The following TBKBP1 variants were observed in gnomAD, a reference collection of about 807,000 sequenced individuals.
The protein encoded by TBKBP1 is TANK-binding kinase 1-binding protein 1.
In TBKBP1, 47 loss-of-function variants were observed where a neutral mutation model predicts 69.9. The ratio of observed to expected loss-of-function variants is 0.67; its 90% CI spans 0.53 to 0.86. The LOEUF (loss-of-function observed/expected upper bound fraction) is 0.86, where lower values mean the gene tolerates loss of function less well. TBKBP1 is among the 40% of genes least tolerant of loss of function. The pLI, the probability that TBKBP1 is intolerant of heterozygous loss-of-function variation, is 0.00. For missense variants in TBKBP1, 831 were observed against 858.6 expected, an observed-to-expected ratio of 0.97 and a Z score of 0.40; for synonymous variants, 418 against 390.3, an observed-to-expected ratio of 1.07 and a Z score of -0.84.
chr17:47,709,044 G>A lies in TBKBP1; in HGVS notation c.1311G>A (p.Arg437=), dbSNP rs2031812282. The change falls in exon 9 of 10, where the codon AGG becomes AGA. Residue 437 remains arginine, a synonymous_variant. Transcript: ENST00000578982. ...CGCCGCCGCCCCCGCCGGGCGAGAGGACGCTGGCCGAGCGCGCCTACGCCA... is the reference window on the plus strand; with the variant it reads ...CGCCGCCGCCCCCGCCGGGCGAGAGAACGCTGGCCGAGCGCGCCTACGCCA... ...RPPPPPPPGE[R]TLAERAYAKP... 2.3e-6 allele frequency: 3 copies of A among 1,301,998 alleles called. No homozygotes were observed. The highest frequency in any genetic ancestry group is 3.7e-5 in the South Asian group (2 of 54,462). 80.7% of individuals were successfully genotyped at this position (1,301,998 alleles called of 1,614,324 possible).
At chr17:47,702,993 G>T (rs2031565988) in intron 7 of TBKBP1, among the ~76,000 whole-genome samples, 1 of 128,624 alleles carries the variant, frequency 7.8e-6, no homozygotes, top group Non-Finnish European at 1.6e-5. Flanking sequence ...TGCGGGGGGG[G>T]GAACTTCTTG....
intron 9 of TBKBP1, 55 bp from the exon 10 acceptor site, chr17:47,710,443 T>A: frequency 6.3e-7 from 1 of 1,576,374 alleles, no homozygotes; most frequent in East Asian, 2.3e-5. Context: ...GGCTGGGATG[T>A]GGGGACCATG....
intron 7 of TBKBP1, among the ~76,000 whole-genome samples, chr17:47,704,213 G>A (rs909942167): frequency 6.6e-6 from 1 of 152,238 alleles, no homozygotes; most frequent in Non-Finnish European, 1.5e-5. Flanking sequence ...CTAGACCCGG[G>A]ATGTCAGCTC....
chr17:47,695,172 G>A (rs1051176201), intron 1 of TBKBP1: 2 of 152,752 alleles, frequency 1.3e-5, no homozygotes, highest in Admixed American at 6.5e-5. Flanking sequence ...CTGCGACCCC[G>A]AAGGCACTCA....
chr17:47,702,747 G>A (rs866371048), intron 7 of TBKBP1, among the ~76,000 whole-genome samples: 15 of 152,130 alleles, frequency 9.9e-5, no homozygotes, highest in Admixed American at 6.5e-5. Flanking sequence ...CCCAGAGGAA[G>A]AGCCACTGGG....
intron 7 of TBKBP1, among the ~76,000 whole-genome samples, chr17:47,700,324 TA>T (rs2031452310): frequency 7.1e-6 from 1 of 139,938 alleles, no homozygotes. Flanking sequence ...TTTGGATTTT[TA>T]GTAGAGATGG....
chr17:47,701,377 ACT>A (rs71141927), intron 7 of TBKBP1, among the ~76,000 whole-genome samples: 391 of 150,646 alleles, frequency 2.6e-3, no homozygotes, highest in African/African-American at 5.2e-3. Flanking sequence ...ACACACACAC[ACT>A]CTCTCTCTCT....
rs200256974 is a variant in TBKBP1, at chr17:47,698,754, G to C, written c.613G>C (p.Gly205Arg). The C allele has an allele frequency of 6.3e-7, 1 of 1,581,012 alleles. No individual in the cohort carries two copies. Among genetic ancestry groups the C allele is most frequent in the Non-Finnish European group, 8.6e-7 (1 of 1,160,322 alleles). ...AGACCTGCACTACCTGGCACTGAGA[G>C]GGGGATCTGGCTTGAGTCATGGTGA... ...DLDLHYLALR[G>R]GSGLSHAGWP... The change falls in exon 5 of 10, where the codon GGG becomes CGG. Residue 205 changes from glycine to arginine, a missense_variant. Coordinates refer to ENST00000578982, the MANE Select transcript of TBKBP1 (RefSeq NM_001394755.1).
Position 47,710,742 on chromosome 17 carries a change from C to G in TBKBP1, c.*116C>G. On this transcript the variant is annotated 3_prime_UTR_variant, in exon 10 of 10. Coordinates refer to ENST00000578982, the MANE Select transcript of TBKBP1 (RefSeq NM_001394755.1). ...CCCTGCCCTTGCGACCCCCAGATAC[C>G]TCCACTTGCTACCGAGTCAACGTGT... is the stretch of plus-strand genomic sequence containing the variant. 1 of 1,396,730 alleles carries G rather than the reference C, an allele frequency of 7.2e-7. No individual in the cohort carries two copies. The highest frequency in any genetic ancestry group is 9.7e-7 in the Non-Finnish European group (1 of 1,026,812). The allele number at this position is 1,396,730 out of a possible 1,614,324, so 86.5% of individuals were successfully genotyped here.
At chr17:47,707,745 G>A (rs1323727708) in intron 7 of TBKBP1, among the ~76,000 whole-genome samples, 1 of 152,168 alleles carries the variant, frequency 6.6e-6, no homozygotes, top group Non-Finnish European at 1.5e-5. Flanking sequence ...CTTTGAGGTC[G>A]AGCCAGGTGC....
chr17:47,699,411 G>T lies in TBKBP1; in HGVS notation c.726G>T (p.Gly242=), dbSNP rs1459087018. 2 of 1,566,770 alleles carry T rather than the reference G, an allele frequency of 1.3e-6. No individual in the cohort carries two copies. The highest frequency in any genetic ancestry group is 1.7e-6 in the Non-Finnish European group (2 of 1,160,264). Residue 242 remains glycine, a synonymous_variant, in exon 6 of 10, where the codon GGG becomes GGT. Coordinates refer to ENST00000578982, the MANE Select transcript of TBKBP1 (RefSeq NM_001394755.1). Reference sequence around the variant, plus strand: ...AGGCCGCGCAGGGAGAGGCCCGGGGGGCTCAGCTCCGGGAGGAGCAGCTCC... The same window carrying T: ...AGGCCGCGCAGGGAGAGGCCCGGGGTGCTCAGCTCCGGGAGGAGCAGCTCC... The part of the protein sequence containing the change: ...ALEAAQGEAR[G]AQLREEQLQA...
Position 47,710,845 on chromosome 17 carries a change from T to A in TBKBP1, c.*219T>A. ...TCAGCCGAGGCTCCCCCCATGCTCC[T>A]GGTTTCTGCTTAGGAGGTGGGGACT... is the stretch of plus-strand genomic sequence containing the variant. On this transcript the variant is annotated 3_prime_UTR_variant, in exon 10 of 10. Transcript: ENST00000578982. 1.8e-6 allele frequency: 1 copy of A among 557,906 alleles called. No homozygotes were observed. The highest frequency in any genetic ancestry group is 3.0e-6 in the Non-Finnish European group (1 of 335,886). 34.6% of individuals were successfully genotyped at this position (557,906 alleles called of 1,614,324 possible).
rs1013056827 is a variant in TBKBP1, at chr17:47,708,948, G to A, written c.1215G>A (p.Ser405=). The change falls in exon 9 of 10, where the codon TCG becomes TCA. Residue 405 remains serine (S), a synonymous_variant. Transcript: ENST00000578982. This position sits in a 1 kb window ranked among gnomAD's most constrained non-coding sequence, Gnocchi z 4.4. ...VPQRRSPVPP[S]CQSPSPQRRS... is the part of the protein sequence containing the mutation. ...AGCGCCGCTCGCCGGTGCCGCCGTC[G>A]TGCCAGTCCCCCAGCCCGCAGCGCC... 6 of 1,231,604 alleles carry A rather than the reference G, an allele frequency of 4.9e-6. No individual in the cohort carries two copies. The highest frequency in any genetic ancestry group is 6.1e-6 in the Non-Finnish European group (6 of 979,302). The allele number at this position is 1,231,604 out of a possible 1,614,324, so 76.3% of individuals were successfully genotyped here.
chr17:47,708,532 G>C lies in TBKBP1; in HGVS notation c.991+20G>C. The C allele has an allele frequency of 6.2e-7, 1 of 1,612,032 alleles. No homozygotes were observed. Among genetic ancestry groups the C allele is most frequent in the Non-Finnish European group, 8.5e-7 (1 of 1,178,580 alleles). On this transcript the variant is annotated intron_variant, in intron 8 of 9. Coordinates refer to ENST00000578982, the MANE Select transcript of TBKBP1 (RefSeq NM_001394755.1). The surrounding 1 kb of genome is among the most constrained non-coding windows in gnomAD (Gnocchi z 4.4). The stretch of plus-strand genomic sequence containing the variant: ...GTGGCGGTGAGATGGGGCAGGGCAG[G>C]GGGAGGCAGCCGCGGGACCCGGGAA...
chr17:47,708,426 C>A lies in TBKBP1; in HGVS notation c.905C>A (p.Thr302Lys). The part of the protein sequence containing the change: ...VNLALAYTEL[T>K]EELGRLRELS... ...TTGGCGCTGGCCTACACCGAGCTGA[C>A]GGAGGAGCTGGGCCGGCTTCGGGAG... The change falls in exon 8 of 10, where the codon ACG (threonine) becomes AAG (lysine). Residue 302 changes from threonine (T) to lysine (K), a missense_variant. Transcript: ENST00000578982. The surrounding 1 kb of genome is among the most constrained non-coding windows in gnomAD (Gnocchi z 4.4). 6.2e-7 allele frequency: 1 copy of A among 1,613,862 alleles called. No individual in the cohort carries two copies. The highest frequency in any genetic ancestry group is 1.1e-5 in the South Asian group (1 of 91,074).
At position 47,711,950 on chromosome 17, in the gene TBKBP1, G is replaced by A. The variant is rs76004009; in HGVS notation, c.*1324G>A. The A allele has an allele frequency of 0.044, 6,785 of 152,770 alleles. 224 individuals are homozygous for A. The highest frequency in any genetic ancestry group is 0.16 in the Middle Eastern group (47 of 294). 9.5% of individuals were successfully genotyped at this position (152,770 alleles called of 1,614,324 possible). A position where few individuals can be genotyped will look rare whatever the true frequency, so the allele number is the denominator to read the frequency against. The stretch of plus-strand genomic sequence containing the variant: ...AAGGACACGTCATTGTACCCTGAGC[G>A]TCCCCAGGGAGTGGAAATGGGGAAG... On this transcript the variant is annotated 3_prime_UTR_variant, in exon 10 of 10. Coordinates refer to ENST00000578982, the MANE Select transcript of TBKBP1 (RefSeq NM_001394755.1).
In TBKBP1 at chr17:47,696,819, C is replaced by G. The variant is rs1165156043; in HGVS notation, c.334C>G (p.Gln112Glu). Reference sequence around the variant, plus strand: ...GGTCAGCCTGCAGCAACGGCTCAACCAGTTCCAGCATGAGGTGAGCCTACC... The same window carrying G: ...GGTCAGCCTGCAGCAACGGCTCAACGAGTTCCAGCATGAGGTGAGCCTACC... ...EKVSLQQRLN[Q>E]FQHELQKNKE... Residue 112 changes from glutamine to glutamate, a missense_variant, in exon 3 of 10, where the codon CAG becomes GAG. Transcript: ENST00000578982. 1 of 1,613,852 alleles carries G rather than the reference C, an allele frequency of 6.2e-7. No homozygotes were observed. The highest frequency in any genetic ancestry group is 1.3e-5 in the African/African-American group (1 of 75,058).
rs1429100122 is a variant in TBKBP1 at position 47,709,282 on chromosome 17, G to A, written c.1549G>A (p.Glu517Lys). ...CTTCGAGGGCATCCGGCTGCGCTTC[G>A]AGAAGCAGCCGTCGGAGGAGGACGA... ...RAFEGIRLRF[E>K]KQPSEEDEWA... The change falls in exon 9 of 10, where the codon GAG (glutamate) becomes AAG (lysine). Residue 517 changes from glutamate to lysine, a missense_variant. By Grantham distance (56) the Glu-to-Lys change is moderately conservative. Coordinates refer to ENST00000578982, the MANE Select transcript of TBKBP1 (RefSeq NM_001394755.1). 5 of 1,525,390 alleles carry A rather than the reference G, an allele frequency of 3.3e-6. No individual in the cohort carries two copies. Among genetic ancestry groups the A allele is most frequent in the Non-Finnish European group, 3.5e-6 (4 of 1,144,616 alleles). The allele number at this position is 1,525,390 out of a possible 1,614,324, so 94.5% of individuals were successfully genotyped here. A position where few individuals can be genotyped will look rare whatever the true frequency, so the allele number is the denominator to read the frequency against.
At chr17:47,694,890 G>GT (rs768611476) in intron 1 of TBKBP1, among the ~76,000 whole-genome samples, 1 of 29,538 alleles carries the variant, frequency 3.4e-5, no homozygotes, top group Non-Finnish European at 6.5e-5. Flanking sequence ...GGTGGCGGAG[G>GT]GGGGGGGGTG....
Sources: gnomAD v4.1 joint callset for allele counts (sites outside exome capture counted in the v4.1 genomes callset) on GRCh38, gnomAD v4.1.1 for gene constraint, Gnocchi (gnomAD v3.1) non-coding constraint, MANE v1.5 for transcripts, NCBI Gene and HGNC (gene_info 2026-07-23, HGNC 2026-07-21) for gene names.